Variants in RNF11 observed in about 807,000 individuals in gnomAD.
RNF11 encodes ring finger protein 11.
RNF11 carries 4 observed loss-of-function variants against 15.8 expected under a neutral mutation model. The observed-to-expected ratio is 0.25, with a 90% CI of 0.12 to 0.58. The LOEUF (loss-of-function observed/expected upper bound fraction) is 0.58, where lower values mean the gene tolerates loss of function less well. RNF11 is among the 20% of genes least tolerant of loss of function. RNF11 has a pLI of 0.91. For synonymous variants in RNF11, 68 were observed against 72.3 expected (o/e 0.94, Z 0.30); for missense variants, 139 against 194.4 (o/e 0.71, Z 1.70).
rs974470007 is a variant in RNF11, at chr1:51,250,916, G to A, written c.123+14037G>A. Reference sequence around the variant, plus strand: ...GGATGAGGTGCACCAGTGCAGAGCCGCAGCGGCCTGTCACCTTGCAAGGGA... The same window carrying A: ...GGATGAGGTGCACCAGTGCAGAGCCACAGCGGCCTGTCACCTTGCAAGGGA... On this transcript the variant is annotated intron_variant, in intron 1 of 2. Transcript: ENST00000242719. 20 of 1,088,096 alleles carry A rather than the reference G, an allele frequency of 1.8e-5. 1 individual carries two copies. In the African/African-American group the frequency reaches 2.2e-4, roughly 12 times the overall value. The allele number at this position is 1,088,096 out of a possible 1,614,324, so 67.4% of individuals were successfully genotyped here.
intron 1 of RNF11, among the ~76,000 whole-genome samples, chr1:51,237,086 A>G (rs879822975): frequency 4.0e-5 from 6 of 151,728 alleles, no homozygotes; most frequent in Non-Finnish European, 7.4e-5. Context: ...TGGGGATGAT[A>G]CCCTCTGCCC....
At chr1:51,270,260 T>A in intron 2 of RNF11, 135 bp downstream of exon 2, 2 of 658,998 alleles carry the variant, frequency 3.0e-6, no homozygotes, top group Non-Finnish European at 5.2e-6. Flanking sequence ...AGAGAATGTT[T>A]AATTTTTTTT....
At chr1:51,247,473 A>G (rs1646857776) in intron 1 of RNF11, among the ~76,000 whole-genome samples, 1 of 150,124 alleles carries the variant, frequency 6.7e-6, no homozygotes, top group East Asian at 1.9e-4. Flanking sequence ...TTTTGTAAAG[A>G]CAGTGTCTCA....
At chr1:51,263,978 G>C (rs989431776) in intron 1 of RNF11, among the ~76,000 whole-genome samples, 1 of 151,962 alleles carries the variant, frequency 6.6e-6, no homozygotes, top group Non-Finnish European at 1.5e-5. Context: ...TTAAGGCTAG[G>C]CTTGGCTGCT....
chr1:51,256,661 TTTG>T (rs112315189), intron 1 of RNF11, among the ~76,000 whole-genome samples: 14 of 152,086 alleles, frequency 9.2e-5, no homozygotes, highest in East Asian at 5.8e-4. Context: ...GCATACCATT[TTTG>T]TTGTTGTTGT....
At chr1:51,246,585 G>A (rs1010460974) in intron 1 of RNF11, among the ~76,000 whole-genome samples, 1 of 151,674 alleles carries the variant, frequency 6.6e-6, no homozygotes, top group Admixed American at 6.6e-5. Context: ...GGCCAGGTGT[G>A]GTGGCTCACA....
At chr1:51,237,438 A>ATATG (rs1378562662) in intron 1 of RNF11, among the ~76,000 whole-genome samples, 3 of 119,086 alleles carry the variant, frequency 2.5e-5, no homozygotes, top group South Asian at 2.6e-4. Context: ...ATATATATAT[A>ATATG]TGTGTATATA....
At chr1:51,264,186 G>A (rs1467999692) in intron 1 of RNF11, among the ~76,000 whole-genome samples, 2 of 147,756 alleles carry the variant, frequency 1.4e-5, no homozygotes, top group Non-Finnish European at 3.0e-5. Flanking sequence ...GAGCCCGGGG[G>A]GTCGTCAAGG....
intron 1 of RNF11, among the ~76,000 whole-genome samples, chr1:51,253,451 A>G (rs1197793193): frequency 2.0e-5 from 3 of 150,464 alleles, no homozygotes; most frequent in Non-Finnish European, 3.0e-5. Flanking sequence ...TGAGCCCAGG[A>G]GCTCGAGGTA....
At chr1:51,264,317 TACACACAC>T (rs376270848) in intron 1 of RNF11, among the ~76,000 whole-genome samples, 24 of 75,514 alleles carry the variant, frequency 3.2e-4, no homozygotes, top group African/African-American at 5.7e-4. Flanking sequence ...TATATATATA[TACACACAC>T]ACACACACAC....
chr1:51,271,151 G>A lies in RNF11; in HGVS notation c.294G>A (p.Glu98=), dbSNP rs1241056141. The change falls in exon 3 of 3, where the codon GAG becomes GAA. Residue 98 remains glutamate, a splice_region_variant and synonymous_variant. Coordinates refer to ENST00000242719, the MANE Select transcript of RNF11 (RefSeq NM_014372.5). ...GRDGSEKKIR[E]CVICMMDFVY... is the part of the protein sequence containing the mutation. ...GATTTCTCTCCATTGCTCTCAACAG[G>A]TGTGTGATCTGTATGATGGACTTTG... The A allele has an allele frequency of 6.2e-7, 1 of 1,613,502 alleles. No homozygotes were observed. The highest frequency in any genetic ancestry group is 8.5e-7 in the Non-Finnish European group (1 of 1,179,524).
intron 1 of RNF11, among the ~76,000 whole-genome samples, chr1:51,260,789 G>C (rs543179709): frequency 6.6e-6 from 1 of 152,210 alleles, no homozygotes; most frequent in Admixed American, 6.5e-5. Flanking sequence ...AGATACTCAA[G>C]CTCATCACAG....
At chr1:51,253,455 C>G (rs929340148) in intron 1 of RNF11, among the ~76,000 whole-genome samples, 19 of 148,376 alleles carry the variant, frequency 1.3e-4, no homozygotes, top group Non-Finnish European at 2.7e-4. Context: ...CCCAGGAGCT[C>G]GAGGTAACAG....
chr1:51,240,352 C>G lies in RNF11; in HGVS notation c.123+3473C>G, dbSNP rs192264526. Reference sequence around the variant, plus strand: ...GGCTGACTGACTCCCTTACCTCCTTCAAGTCTTTTCTCACTGCCCCCTTAA... The same window carrying G: ...GGCTGACTGACTCCCTTACCTCCTTGAAGTCTTTTCTCACTGCCCCCTTAA... On this transcript the variant is annotated intron_variant, in intron 1 of 2. Transcript: ENST00000242719. Among the ~76,000 whole-genome samples, 522 of 152,292 alleles carry G rather than the reference C, an allele frequency of 3.4e-3. 2 individuals are homozygous for G. The highest frequency in any genetic ancestry group is 0.012 in the African/African-American group (515 of 41,544).
At position 51,247,036 on chromosome 1, in the gene RNF11, G is replaced by T. The variant is rs187205476; in HGVS notation, c.123+10157G>T. Among the ~76,000 whole-genome samples the T allele has an allele frequency of 2.1e-4, 31 of 150,896 alleles. No individual in the cohort carries two copies. In the East Asian group the frequency reaches 5.4e-3, roughly 26 times the overall value. On this transcript the variant is annotated intron_variant, in intron 1 of 2. Transcript: ENST00000242719. Reference sequence around the variant, plus strand: ...GCTGTAAACAGTTGATTCCTTACCAGTAACTTTTAATATTGAATTAACAAA... The same window carrying T: ...GCTGTAAACAGTTGATTCCTTACCATTAACTTTTAATATTGAATTAACAAA...
At chr1:51,251,361 C>G in intron 1 of RNF11, 1 of 1,500,824 alleles carries the variant, frequency 6.7e-7, no homozygotes, top group Non-Finnish European at 9.0e-7. Context: ...GCCCCGTCTA[C>G]GGCTGCGACC....
Position 51,253,522 on chromosome 1 carries a change from TA to T in RNF11, c.124-16417del, listed in dbSNP as rs77641046. Among the ~76,000 whole-genome samples the T allele has an allele frequency of 7.0e-3, 892 of 128,192 alleles. 2 individuals are homozygous for T. Among genetic ancestry groups the T allele is most frequent in the Middle Eastern group, 0.011 (3 of 264 alleles). 84.1% of individuals were successfully genotyped at this position (128,192 alleles called of 152,430 possible). ...TGGGCAACCTCAAGATCCTGTCTCT[TA>T]AAAAAAAAAAAAAAAAGGAGGTGGG... On this transcript the variant is annotated intron_variant, in intron 1 of 2. Transcript: ENST00000242719.
At chr1:51,266,397 GTTTTTC>G (rs1646954626) in intron 1 of RNF11, among the ~76,000 whole-genome samples, 1 of 151,134 alleles carries the variant, frequency 6.6e-6, no homozygotes, top group African/African-American at 2.4e-5. Flanking sequence ...ATCATTAGCA[GTTTTTC>G]TTTTTTTTTT....
rs376270848 is a variant in RNF11 at position 51,264,317 on chromosome 1, T to TAC, written c.124-5617_124-5616dup. ...ATATATATATATATATATATATATA[T>TAC]ACACACACACACACACACACACATT... is the stretch of plus-strand genomic sequence containing the variant. On this transcript the variant is annotated intron_variant, in intron 1 of 2. Coordinates refer to ENST00000242719, the MANE Select transcript of RNF11 (RefSeq NM_014372.5). 9.5e-3 allele frequency among the ~76,000 whole-genome samples: 717 copies of TAC among 75,230 alleles called. 9 individuals are homozygous for TAC. Among genetic ancestry groups the TAC allele is most frequent in the East Asian group, 0.016 (39 of 2,394 alleles). The allele number at this position is 75,230 out of a possible 152,430, so 49.4% of individuals were successfully genotyped here.
Sources: allele counts gnomAD v4.1 joint callset (sites outside exome capture counted in the v4.1 genomes callset), GRCh38; gene constraint gnomAD v4.1.1; transcripts MANE v1.5; gene names NCBI Gene and HGNC (gene_info 2026-07-23, HGNC 2026-07-21).